The following SERPINI2 variants were observed in gnomAD, a reference collection of about 807,000 sequenced individuals.
The protein encoded by SERPINI2 is serpin I2.
SERPINI2 carries 48 observed loss-of-function variants against 47.3 expected under a neutral mutation model. The ratio of observed to expected loss-of-function variants is 1.02; its 90% CI spans 0.81 to 1.29. SERPINI2 has a LOEUF of 1.29. SERPINI2 is among the 50% of genes most tolerant of loss of function. SERPINI2 has a pLI of 0.00. For synonymous variants in SERPINI2, 135 were observed against 149.3 expected (o/e 0.90, Z 0.70); for missense variants, 448 against 456.9 (o/e 0.98, Z 0.18).
chr3:167,467,351 GCTAT>G (rs955036359), intron 2 of SERPINI2, 66 bp from the exon 3 acceptor site: 100 of 1,136,806 alleles, frequency 8.8e-5, no homozygotes, highest in Non-Finnish European at 1.2e-4. Flanking sequence ...TTTCAGCTTT[GCTAT>G]CTAAGTACTC....
chr3:167,456,557 C>T (rs964539267), intron 5 of SERPINI2, among the ~76,000 whole-genome samples: 4 of 152,168 alleles, frequency 2.6e-5, no homozygotes, highest in African/African-American at 9.7e-5. Context: ...ATCTCTCATC[C>T]TACTGCTCAC....
At chr3:167,452,900 T>C (rs776565781) in intron 6 of SERPINI2, 36 bp downstream of exon 6, 2 of 1,352,022 alleles carry the variant, frequency 1.5e-6, no homozygotes, top group South Asian at 1.3e-5. Flanking sequence ...ACAAAACAAA[T>C]TAACATCATA....
intron 2 of SERPINI2, 59 bp from the exon 3 acceptor site, chr3:167,467,344 C>T: frequency 8.0e-7 from 1 of 1,252,712 alleles, no homozygotes; most frequent in Non-Finnish European, 1.1e-6. Context: ...AACAGCTTTT[C>T]AGCTTTGCTA....
chr3:167,459,320 C>T (rs1018659678), intron 5 of SERPINI2, among the ~76,000 whole-genome samples: 2 of 151,916 alleles, frequency 1.3e-5, no homozygotes, highest in South Asian at 2.1e-4. Context: ...GTGATCCGCC[C>T]GCCTCAGCCT....
chr3:167,465,122 G>C, intron 5 of SERPINI2, 84 bp downstream of exon 5: 7 of 1,196,072 alleles, frequency 5.9e-6, no homozygotes, highest in Non-Finnish European at 8.3e-6. Flanking sequence ...GACTTTTCAA[G>C]TATTTGTTAC....
In SERPINI2 at chr3:167,443,897, A is replaced by G. The variant is rs567270551; in HGVS notation, c.1142-1712T>C. ...ATAATAGTGAAGAATTTAGAGGCAG[A>G]CTGAAGCAAAAATGATTATTTTTTA... On this transcript the variant is annotated intron_variant, in intron 8 of 8. Coordinates refer to ENST00000264677, the Ensembl canonical transcript of SERPINI2. 1.5e-4 allele frequency among the ~76,000 whole-genome samples: 23 copies of G among 152,316 alleles called. No individual in the cohort carries two copies. In the South Asian group the frequency reaches 4.6e-3, roughly 30 times the overall value.
At chr3:167,466,386 C>T (rs1750133798) in intron 3 of SERPINI2, among the ~76,000 whole-genome samples, 1 of 152,116 alleles carries the variant, frequency 6.6e-6, no homozygotes, top group African/African-American at 2.4e-5. Context: ...AAACAAAGTA[C>T]TATTAATTGA....
exon 9 of SERPINI2, chr3:167,441,980 C>A: frequency 1.7e-6 from 1 of 593,692 alleles, no homozygotes; most frequent in Non-Finnish European, 2.7e-6. Context: ...AGACAGATAT[C>A]TATTACTACA....
At chr3:167,469,753 C>T (rs984262014) in intron 2 of SERPINI2, among the ~76,000 whole-genome samples, 1 of 152,054 alleles carries the variant, frequency 6.6e-6, no homozygotes, top group African/African-American at 2.4e-5. Context: ...GAGAGCCTTA[C>T]ATAATATATG....
chr3:167,465,346 T>G, exon 5 of SERPINI2: 3 of 1,610,656 alleles, frequency 1.9e-6, no homozygotes, highest in Non-Finnish European at 1.7e-6. Flanking sequence ...ATTCATCACC[T>G]TTGTAAGACA....
Position 167,446,380 on chromosome 3 carries a change from C to CA in SERPINI2, c.1141+11dup. On this transcript the variant is annotated intron_variant, in intron 8 of 8. Coordinates refer to ENST00000264677, the Ensembl canonical transcript of SERPINI2. ...ATAATCAGTTCCCCCAAATAATTCT[C>CA]AAAAAAGGTACCTGTTGGATTATGC... 6.4e-7 allele frequency: 1 copy of CA among 1,568,970 alleles called. No homozygotes were observed. Among genetic ancestry groups the CA allele is most frequent in the Non-Finnish European group, 8.7e-7 (1 of 1,147,988 alleles).
rs181292841 is a variant in SERPINI2, at chr3:167,457,064, G to T, written c.867-4031C>A. Among the ~76,000 whole-genome samples, 30 of 152,210 alleles carry T rather than the reference G, an allele frequency of 2.0e-4. 1 individual carries two copies. The highest frequency in any genetic ancestry group is 2.1e-4 in the South Asian group (1 of 4,832). Reference sequence around the variant, plus strand: ...TTTCAGTAATCTGGTTTCAACAATTGACAAAAGGTACTGTGAGGTGCCACA... The same window carrying T: ...TTTCAGTAATCTGGTTTCAACAATTTACAAAAGGTACTGTGAGGTGCCACA... On this transcript the variant is annotated intron_variant, in intron 5 of 8. Coordinates refer to ENST00000264677, the Ensembl canonical transcript of SERPINI2.
chr3:167,455,612 G>C (rs1324804078), intron 5 of SERPINI2, among the ~76,000 whole-genome samples: 1 of 148,146 alleles, frequency 6.8e-6, no homozygotes, highest in Non-Finnish European at 1.5e-5. Flanking sequence ...AAAAAGAAAA[G>C]AAAAGAAAAG....
chr3:167,457,298 G>A (rs1749821355), intron 5 of SERPINI2, among the ~76,000 whole-genome samples: 1 of 152,164 alleles, frequency 6.6e-6, no homozygotes, highest in African/African-American at 2.4e-5. Context: ...GGGCTTCAAG[G>A]ACCCTTGGAA....
intron 8 of SERPINI2, among the ~76,000 whole-genome samples, chr3:167,442,878 A>T (rs1749366113): frequency 6.6e-6 from 1 of 152,214 alleles, no homozygotes; most frequent in African/African-American, 2.4e-5. Context: ...ATCAGTGTCA[A>T]ATGTTGCCTT....
At chr3:167,451,850 G>T (rs1454394059) in intron 6 of SERPINI2, among the ~76,000 whole-genome samples, 3 of 152,194 alleles carry the variant, frequency 2.0e-5, no homozygotes, top group Non-Finnish European at 4.4e-5. Flanking sequence ...GGTTGAAGAG[G>T]TGGTTGTGTC....
chr3:167,442,251 G>T, intron 8 of SERPINI2, 66 bp from the exon 9 acceptor site: 2 of 1,179,336 alleles, frequency 1.7e-6, no homozygotes, highest in South Asian at 1.5e-5. Flanking sequence ...ACAATAATTA[G>T]TTTTTCTTAA....
At chr3:167,445,608 T>C (rs1425108047) in intron 8 of SERPINI2, among the ~76,000 whole-genome samples, 4 of 152,216 alleles carry the variant, frequency 2.6e-5, no homozygotes, top group African/African-American at 9.6e-5. Context: ...TTGCCAAATA[T>C]TGGCCTGAAT....
exon 3 of SERPINI2, chr3:167,467,066 C>G (rs137975927): frequency 1.3e-5 from 21 of 1,599,232 alleles, no homozygotes; most frequent in Non-Finnish European, 1.8e-5. Flanking sequence ...ATCTGTTTTT[C>G]TTTCTACCCA....
Sources: gnomAD v4.1 joint callset for allele counts (sites outside exome capture counted in the v4.1 genomes callset) on GRCh38, gnomAD v4.1.1 for gene constraint, MANE v1.5 for transcripts, NCBI Gene and HGNC (gene_info 2026-07-23, HGNC 2026-07-21) for gene names.